Variants in C3orf18 observed in about 807,000 individuals in gnomAD.
C3orf18 encodes the protein chromosome 3 open reading frame 18.
C3orf18 carries 12 observed loss-of-function variants against 14.1 expected under a neutral mutation model. The observed-to-expected ratio is 0.85, with a 90% CI of 0.55 to 1.38. The LOEUF (loss-of-function observed/expected upper bound fraction) is 1.38. C3orf18 is among the 40% of genes most tolerant of loss of function. The pLI is 0.00. For missense variants in C3orf18, 196 were observed against 213.9 expected (o/e 0.92, Z 0.52); for synonymous variants, 82 against 87.9 (o/e 0.93, Z 0.38).
At chr3:50,573,706 A>G (rs1181346052), upstream of C3orf18, among the ~76,000 whole-genome samples, 2 of 152,238 alleles carry the variant, frequency 1.3e-5, no homozygotes, top group East Asian at 3.9e-4. Flanking sequence ...TGCCTTACCA[A>G]GAACTCAAGA....
chr3:50,558,944 A>T lies in C3orf18; in HGVS notation c.*713T>A. 7.8e-7 allele frequency: 1 copy of T among 1,287,322 alleles called. No homozygotes were observed. Among genetic ancestry groups the T allele is most frequent in the Non-Finnish European group, 1.0e-6 (1 of 987,060 alleles). 79.7% of individuals were successfully genotyped at this position (1,287,322 alleles called of 1,614,324 possible). A position where few individuals can be genotyped will look rare whatever the true frequency, so the allele number is the denominator to read the frequency against. On this transcript the variant is annotated 3_prime_UTR_variant, in exon 6 of 6. Transcript: ENST00000357203. ...ATGCACATGCATGAGGCCTCTCGGCAGGTCTGGGGGGGCTGCATCCTTCCA... is the reference window on the plus strand; with the variant it reads ...ATGCACATGCATGAGGCCTCTCGGCTGGTCTGGGGGGGCTGCATCCTTCCA...
At chr3:50,562,146 C>T (rs1351657812) in intron 3 of C3orf18, among the ~76,000 whole-genome samples, 2 of 152,238 alleles carry the variant, frequency 1.3e-5, no homozygotes, top group Non-Finnish European at 2.9e-5. Context: ...GATCCACCCG[C>T]CTCGGCCTCC....
chr3:50,561,010 C>G lies in C3orf18; in HGVS notation c.315G>C (p.Glu105Asp), dbSNP rs567390576. The G allele has an allele frequency of 6.2e-7, 1 of 1,614,206 alleles. No individual in the cohort carries two copies. Among genetic ancestry groups the G allele is most frequent in the South Asian group, 1.1e-5 (1 of 91,084 alleles). Residue 105 changes from glutamate to aspartate, a missense_variant, in exon 5 of 6, where the codon GAG becomes GAC. By Grantham distance (45) the Glu-to-Asp change is conservative. Coordinates refer to ENST00000357203, the MANE Select transcript of C3orf18 (RefSeq NM_016210.5). ...GCTCCTGCTCCAACTCATCTTGTTC[C>G]TCCGTGGGGTCGAAGTTGTACATGG... The part of the protein sequence containing the change: ...LMPMYNFDPT[E>D]EQDELEQELL...
At chr3:50,559,762 C>G in intron 5 of C3orf18, 25 bp from the exon 6 acceptor site, 4 of 1,514,746 alleles carry the variant, frequency 2.6e-6, no homozygotes, top group African/African-American at 1.4e-5. Context: ...GCAGGGGCAT[C>G]AGAGACCATG....
chr3:50,570,945 A>G (rs1284976649), upstream of C3orf18: 4 of 530,342 alleles, frequency 7.5e-6, no homozygotes, highest in Non-Finnish European at 1.3e-5. Context: ...GCAACCAACT[A>G]TATCTGAGGA....
In C3orf18 at chr3:50,565,378, TAAC is replaced by T. The variant is rs1700229019; in HGVS notation, c.234+85_234+87del. ...CAAGACTCTGTCTCAAAAACAACAA[TAAC>T]AACAACCAGATTGTCTTCTGATTGA... is the stretch of plus-strand genomic sequence containing the variant. On this transcript the variant is annotated intron_variant, in intron 3 of 5. Transcript: ENST00000357203. The surrounding 1 kb of genome is among the most constrained non-coding windows in gnomAD (Gnocchi z 4.4). 11 of 1,056,864 alleles carry T rather than the reference TAAC, an allele frequency of 1.0e-5. 1 individual carries two copies. The East Asian group carries it at 2.6e-4, about 25-fold the overall frequency. The allele number at this position is 1,056,864 out of a possible 1,614,324, so 65.5% of individuals were successfully genotyped here.
chr3:50,561,865 T>C (rs1699991167), intron 3 of C3orf18, 118 bp from the exon 4 acceptor site: 1 of 950,192 alleles, frequency 1.1e-6, no homozygotes, highest in Non-Finnish European at 1.7e-6. Context: ...GTCCCCGTCC[T>C]AATGACACAT....
upstream of C3orf18, chr3:50,571,509 C>T (rs2107378360): frequency 1.5e-6 from 1 of 676,210 alleles, no homozygotes; most frequent in South Asian, 1.8e-5. Context: ...GAATATATCT[C>T]TGCCTAAGTG....
chr3:50,561,819 G>C, intron 3 of C3orf18, 72 bp from the exon 4 acceptor site: 2 of 1,516,362 alleles, frequency 1.3e-6, no homozygotes, highest in Middle Eastern at 2.0e-4. Flanking sequence ...CTTCTGGATG[G>C]GGACATGCTG....
At chr3:50,571,137 C>G (rs909218513), upstream of C3orf18, 1 of 1,610,150 alleles carries the variant, frequency 6.2e-7, no homozygotes, top group African/African-American at 1.3e-5. Flanking sequence ...TGTGGGCCCT[C>G]CTGTCTGGCC....
At position 50,561,083 on chromosome 3, in the gene C3orf18, G is replaced by T. The variant is rs752907675; in HGVS notation, c.261-19C>A. ...CTCCAGCCTGGGGATGGGGGCAAAG[G>T]CTGCTGGGGACAGGGCAGGCCCTTC... On this transcript the variant is annotated intron_variant, in intron 4 of 5. Transcript: ENST00000357203. The T allele has an allele frequency of 3.1e-6, 5 of 1,612,412 alleles. No individual in the cohort carries two copies. The highest frequency in any genetic ancestry group is 4.2e-6 in the Non-Finnish European group (5 of 1,179,050).
At chr3:50,568,829 C>T (rs1310483324), upstream of C3orf18, among the ~76,000 whole-genome samples, 4 of 151,950 alleles carry the variant, frequency 2.6e-5, no homozygotes, top group Admixed American at 1.3e-4. Context: ...ACACACTTTG[C>T]GAGACGCTGC....
In C3orf18 at chr3:50,559,310, AT is replaced by A; in HGVS notation, c.*346del. On this transcript the variant is annotated 3_prime_UTR_variant, in exon 6 of 6. Coordinates refer to ENST00000357203, the MANE Select transcript of C3orf18 (RefSeq NM_016210.5). ...CCTCCCCCAATCCCTCCCACTCCGT[AT>A]CTCCCTCATTTCCTCCACATTAGCG... 1 of 1,251,288 alleles carries A rather than the reference AT, an allele frequency of 8.0e-7. No homozygotes were observed. The highest frequency in any genetic ancestry group is 1.0e-6 in the Non-Finnish European group (1 of 980,196). 77.5% of individuals were successfully genotyped at this position (1,251,288 alleles called of 1,614,324 possible). A position where few individuals can be genotyped will look rare whatever the true frequency, so the allele number is the denominator to read the frequency against.
In C3orf18 at chr3:50,558,920, T is replaced by C. The variant is rs1175375663; in HGVS notation, c.*737A>G. ...ACATGTCTGCCCATGGGCACACTCA[T>C]GCACATGCATGAGGCCTCTCGGCAG... is the stretch of plus-strand genomic sequence containing the variant. On this transcript the variant is annotated 3_prime_UTR_variant, in exon 6 of 6. Transcript: ENST00000357203. 4 of 1,288,676 alleles carry C rather than the reference T, an allele frequency of 3.1e-6. No homozygotes were observed. The East Asian group carries it at 1.7e-4, about 54-fold the overall frequency. 79.8% of individuals were successfully genotyped at this position (1,288,676 alleles called of 1,614,324 possible).
At chr3:50,572,173 G>A (rs1314276299), upstream of C3orf18, 1 of 1,613,926 alleles carries the variant, frequency 6.2e-7, no homozygotes, top group Non-Finnish European at 8.5e-7. Context: ...CCTAAGGATG[G>A]TGCCCCCAGT....
At chr3:50,571,021 C>T (rs1700891908), upstream of C3orf18, 5 of 1,061,082 alleles carry the variant, frequency 4.7e-6, no homozygotes, top group Admixed American at 1.0e-4. Context: ...GTCCAGGGGC[C>T]ACTCTCAGCA....
At chr3:50,560,128 A>G (rs1463071844) in intron 5 of C3orf18, among the ~76,000 whole-genome samples, 1 of 152,202 alleles carries the variant, frequency 6.6e-6, no homozygotes, top group Non-Finnish European at 1.5e-5. Flanking sequence ...GAGTTCCTGA[A>G]TATCCCAAGG....
At chr3:50,572,527 C>A (rs993550365), upstream of C3orf18, among the ~76,000 whole-genome samples, 38 of 152,346 alleles carry the variant, frequency 2.5e-4, no homozygotes, top group African/African-American at 8.9e-4. Context: ...GCTCACCCAA[C>A]CCACAGGGAA....
At position 50,559,257 on chromosome 3, in the gene C3orf18, C is replaced by A; in HGVS notation, c.*400G>T. The A allele has an allele frequency of 7.9e-7, 1 of 1,263,704 alleles. No homozygotes were observed. 78.3% of individuals were successfully genotyped at this position (1,263,704 alleles called of 1,614,324 possible). ...GCTCCAGATTCCAAAAAACAGGTCTCTCCCTAACAGAGGGAAACCTCCCCT... is the reference window on the plus strand; with the variant it reads ...GCTCCAGATTCCAAAAAACAGGTCTATCCCTAACAGAGGGAAACCTCCCCT... On this transcript the variant is annotated 3_prime_UTR_variant, in exon 6 of 6. Transcript: ENST00000357203.
Sources: allele counts gnomAD v4.1 joint callset (sites outside exome capture counted in the v4.1 genomes callset), GRCh38; gene constraint gnomAD v4.1.1; non-coding constraint Gnocchi (gnomAD v3.1); transcripts MANE v1.5; gene names NCBI Gene and HGNC (gene_info 2026-07-23, HGNC 2026-07-21).